Variants in ZFHX3 observed in about 807,000 individuals in gnomAD.
ZFHX3 encodes the protein zinc finger homeobox protein 3.
In ZFHX3, 42 loss-of-function variants were observed where a neutral mutation model predicts 279.1. That is an observed-to-expected ratio of 0.15 (90% CI 0.12 to 0.19). The LOEUF (loss-of-function observed/expected upper bound fraction) is 0.19, where lower values mean the gene tolerates loss of function less well. Ranked by LOEUF, ZFHX3 falls within the 10% of genes least tolerant of loss-of-function variation. The probability of loss-of-function intolerance (pLI) is 1.00; values close to 1 mark genes in which losing one functional copy is unlikely to be tolerated. For synonymous variants in ZFHX3, 2,293 were observed against 1,957.8 expected, an observed-to-expected ratio of 1.17 and a Z score of -4.52; for missense variants, 4,981 against 4,754.0, an observed-to-expected ratio of 1.05 and a Z score of -1.40.
intron 3 of ZFHX3, among the ~76,000 whole-genome samples, chr16:73,327,591 G>A (rs972975320): frequency 6.6e-6 from 1 of 152,180 alleles, no homozygotes; most frequent in Admixed American, 6.5e-5. Flanking sequence ...GATGCTCCAA[G>A]GATAACCTAA....
chr16:73,465,796 G>A (rs1171316152), intron 2 of ZFHX3, among the ~76,000 whole-genome samples: 2 of 152,120 alleles, frequency 1.3e-5, no homozygotes, highest in Non-Finnish European at 2.9e-5. Context: ...ATACAGATCA[G>A]GTGGATAAGA....
intron 1 of ZFHX3, among the ~76,000 whole-genome samples, chr16:73,750,444 C>T (rs548014319): frequency 1.7e-4 from 26 of 152,284 alleles, no homozygotes; most frequent in African/African-American, 5.3e-4. Flanking sequence ...GTGTTCCTAA[C>T]AGCAGTGGAA....
chr16:73,665,510 G>A (rs1281770284), intron 2 of ZFHX3, among the ~76,000 whole-genome samples: 1 of 151,664 alleles, frequency 6.6e-6, no homozygotes, highest in East Asian at 1.9e-4. Context: ...CACCATGCCT[G>A]GCCTGACCAT....
chr16:73,273,427 G>T (rs182038126), intron 4 of ZFHX3, among the ~76,000 whole-genome samples: 2 of 152,090 alleles, frequency 1.3e-5, no homozygotes, highest in African/African-American at 4.8e-5. Flanking sequence ...TTCTGACTCC[G>T]CTCAGTAGGC....
chr16:73,391,982 T>C (rs1373142926), intron 3 of ZFHX3, among the ~76,000 whole-genome samples: 1 of 152,062 alleles, frequency 6.6e-6, no homozygotes, highest in Non-Finnish European at 1.5e-5. Context: ...AGGCTAAATA[T>C]TGATCTGATA....
At chr16:73,558,682 C>T (rs2020323269) in intron 2 of ZFHX3, among the ~76,000 whole-genome samples, 1 of 151,212 alleles carries the variant, frequency 6.6e-6, no homozygotes, top group Non-Finnish European at 1.5e-5. Context: ...CCTCCCCCCA[C>T]ACGCACATAC....
intron 1 of ZFHX3, among the ~76,000 whole-genome samples, chr16:73,732,367 C>T (rs1323513003): frequency 9.9e-5 from 15 of 152,210 alleles, no homozygotes. Flanking sequence ...TTCAGCAAAT[C>T]TGCTTTGGGT....
chr16:72,951,119 GCAAA>G (rs1048881884), intron 2 of ZFHX3, among the ~76,000 whole-genome samples, 154 bp from the exon 3 acceptor site: 79 of 152,308 alleles, frequency 5.2e-4, no homozygotes, highest in Non-Finnish European at 1.1e-3. Flanking sequence ...TGGAAAACAA[GCAAA>G]CAAACAAACA....
rs541668001 is a variant in ZFHX3, at chr16:73,616,602, ATG to A, written c.-1547+63576_-1547+63577del. 3.0e-3 allele frequency among the ~76,000 whole-genome samples: 460 copies of A among 151,886 alleles called. 2 individuals are homozygous for A. The highest frequency in any genetic ancestry group is 0.011 in the African/African-American group (445 of 41,388). ...AGCTCAATGGCCGTTGCAAAATTCA[ATG>A]TGTGTGTGTACATATATGCACATGT... is the stretch of plus-strand genomic sequence containing the variant. On this transcript the variant is annotated intron_variant, in intron 2 of 17. Transcript: ENST00000641206.
At chr16:73,782,018 G>A (rs1017032097) in intron 1 of ZFHX3, among the ~76,000 whole-genome samples, 2 of 151,966 alleles carry the variant, frequency 1.3e-5, no homozygotes, top group Non-Finnish European at 2.9e-5. Context: ...AAACAAGGAA[G>A]GCTACCCTGG....
intron 2 of ZFHX3, among the ~76,000 whole-genome samples, chr16:73,456,742 T>C (rs942876888): frequency 6.6e-6 from 1 of 152,240 alleles, no homozygotes; most frequent in Non-Finnish European, 1.5e-5. Context: ...GGGATCCAGA[T>C]GCACCTTCTA....
At chr16:73,840,827 C>T (rs998739471) in intron 1 of ZFHX3, among the ~76,000 whole-genome samples, 2 of 152,152 alleles carry the variant, frequency 1.3e-5, no homozygotes, top group Non-Finnish European at 1.5e-5. Context: ...CATTCCTCCT[C>T]CCGGTAAAAC....
intron 2 of ZFHX3, among the ~76,000 whole-genome samples, chr16:73,484,973 A>G (rs1012262309): frequency 3.9e-5 from 6 of 152,198 alleles, no homozygotes; most frequent in African/African-American, 1.4e-4. Context: ...CCATAAGGAA[A>G]AAAAAAAATG....
chr16:73,408,306 G>A (rs983318526), intron 3 of ZFHX3, among the ~76,000 whole-genome samples: 5 of 152,228 alleles, frequency 3.3e-5, no homozygotes, highest in African/African-American at 9.6e-5. Flanking sequence ...ACTAGAGAGG[G>A]TGAACTTGGG....
chr16:73,352,492 T>C (rs2143290574), intron 3 of ZFHX3, among the ~76,000 whole-genome samples: 1 of 142,210 alleles, frequency 7.0e-6, no homozygotes, highest in East Asian at 2.0e-4. Context: ...TTTTTTTTTT[T>C]TTTTTTTTTG....
At chr16:73,512,168 G>T (rs931026904) in intron 2 of ZFHX3, among the ~76,000 whole-genome samples, 2 of 151,194 alleles carry the variant, frequency 1.3e-5, no homozygotes, top group Admixed American at 1.3e-4. Flanking sequence ...GGTGGCTCAT[G>T]CCTGTAATCC....
At chr16:72,929,155 T>C (rs1959649730) in intron 3 of ZFHX3, among the ~76,000 whole-genome samples, 2 of 151,740 alleles carry the variant, frequency 1.3e-5, no homozygotes, top group Admixed American at 1.3e-4. Context: ...GAAAAATTTC[T>C]TGAACCTGGG....
At chr16:73,360,054 T>C (rs1402751176) in intron 3 of ZFHX3, among the ~76,000 whole-genome samples, 1 of 152,152 alleles carries the variant, frequency 6.6e-6, no homozygotes, top group South Asian at 2.1e-4. Flanking sequence ...GATGTGGGTT[T>C]GAATCCTGAG....
intron 4 of ZFHX3, among the ~76,000 whole-genome samples, chr16:73,269,074 C>T (rs926744231): frequency 1.3e-5 from 2 of 152,198 alleles, no homozygotes; most frequent in Non-Finnish European, 2.9e-5. Flanking sequence ...ATCATCTAAC[C>T]TAGAACCTGG....
Sources: allele counts gnomAD v4.1 joint callset (sites outside exome capture counted in the v4.1 genomes callset), GRCh38; gene constraint gnomAD v4.1.1; transcripts MANE v1.5; gene names NCBI Gene and HGNC (gene_info 2026-07-23, HGNC 2026-07-21).